The following POLE variants were observed in gnomAD, a reference collection of about 807,000 sequenced individuals.
POLE encodes the protein DNA polymerase epsilon, catalytic subunit.
POLE carries 188 observed loss-of-function variants against 279.2 expected under a neutral mutation model. The ratio of observed to expected loss-of-function variants is 0.67; its 90% CI spans 0.60 to 0.76. The LOEUF (loss-of-function observed/expected upper bound fraction) is 0.76. Among genes scored for constraint, POLE ranks in the 30% least tolerant of loss-of-function variants. POLE has a pLI of 0.00. For missense variants in POLE, 2,703 were observed against 3,016.7 expected, an observed-to-expected ratio of 0.90 and a Z score of 2.44; for synonymous variants, 1,214 against 1,172.5, an observed-to-expected ratio of 1.04 and a Z score of -0.72.
chr12:132,659,497 G>C lies in POLE; in HGVS notation c.3073C>G (p.Pro1025Ala), dbSNP rs2138679038. Reference protein sequence around the residue: ...DVLYSKAANMPDSELFELISE... With the variant: ...DVLYSKAANMADSELFELISE... ...ATGAGCTCGAATAGCTCAGAGTCAG[G>C]CATGTTGGCTGCCTAGAGAAAGACA... The change falls in exon 26 of 49, where the codon CCT becomes GCT. Residue 1025 changes from proline to alanine, a missense_variant. Coordinates refer to ENST00000320574, the MANE Select transcript of POLE (RefSeq NM_006231.4). 6.2e-7 allele frequency: 1 copy of C among 1,613,960 alleles called. No individual in the cohort carries two copies. Among genetic ancestry groups the C allele is most frequent in the Non-Finnish European group, 8.5e-7 (1 of 1,179,886 alleles).
intron 26 of POLE, chr12:132,658,469 A>T: frequency 6.4e-6 from 1 of 156,706 alleles, no homozygotes; most frequent in Admixed American, 6.3e-5. Context: ...TGCGTTTCTG[A>T]GTAACCACGT....
Position 132,677,822 on chromosome 12 carries a change from G to A in POLE, c.579-103C>T, listed in dbSNP as rs558547283. ...AAGAGGTGAGACCAGAGTTCAAACC[G>A]AGGAAACACAAAAGGTAAATTGATG... On this transcript the variant is annotated intron_variant, in intron 6 of 48. Coordinates refer to ENST00000320574, the MANE Select transcript of POLE (RefSeq NM_006231.4). 2.5e-5 allele frequency: 28 copies of A among 1,100,438 alleles called. 1 individual carries two copies. Among genetic ancestry groups the A allele is most frequent in the South Asian group, 7.4e-5 (5 of 67,634 alleles). 68.2% of individuals were successfully genotyped at this position (1,100,438 alleles called of 1,614,324 possible).
chr12:132,630,970 G>C (rs1292945207), intron 45 of POLE, among the ~76,000 whole-genome samples: 2 of 152,176 alleles, frequency 1.3e-5, no homozygotes, highest in Non-Finnish European at 2.9e-5. Flanking sequence ...TCAGAGAATT[G>C]AAATTTATGT....
intron 15 of POLE, 151 bp from the exon 16 acceptor site, chr12:132,672,473 A>C: frequency 5.8e-6 from 6 of 1,036,666 alleles, no homozygotes; most frequent in Non-Finnish European, 8.7e-6. Context: ...TGCCCTAAAG[A>C]AGCCCCCGGG....
At chr12:132,678,131 T>C (rs2136023502) in intron 6 of POLE, among the ~76,000 whole-genome samples, 1 of 152,190 alleles carries the variant, frequency 6.6e-6, no homozygotes, top group African/African-American at 2.4e-5. Context: ...TGAACCCAGA[T>C]TGCGCCACTG....
chr12:132,661,491 G>A lies in POLE; in HGVS notation c.2864+36C>T, dbSNP rs532270212. On this transcript the variant is annotated intron_variant, in intron 24 of 48. Coordinates refer to ENST00000320574, the MANE Select transcript of POLE (RefSeq NM_006231.4). The surrounding 1 kb of genome is among the most constrained non-coding windows in gnomAD (Gnocchi z 4.1). Reference sequence around the variant, plus strand: ...CTAAATTTAATCTATCTCAATCCATGTCCTTTCTAAAGCACAAAAGCTATG... The same window carrying A: ...CTAAATTTAATCTATCTCAATCCATATCCTTTCTAAAGCACAAAAGCTATG... 6.3e-5 allele frequency: 102 copies of A among 1,607,220 alleles called. No individual in the cohort carries two copies. In the African/African-American group the frequency reaches 7.9e-4, roughly 12 times the overall value.
chr12:132,637,967 C>G (rs2138499034), intron 41 of POLE, 47 bp downstream of exon 41: 1 of 1,601,612 alleles, frequency 6.2e-7, no homozygotes, highest in Non-Finnish European at 8.5e-7. Context: ...ATTTTAGCAT[C>G]CCTCTCAAAG....
chr12:132,632,277 TTAG>T (rs1435000585), intron 45 of POLE, 35 bp downstream of exon 45: 1 of 1,518,322 alleles, frequency 6.6e-7, no homozygotes, highest in East Asian at 2.3e-5. Flanking sequence ...CACATGTACG[TTAG>T]TGTCCTCTCC....
At chr12:132,625,439 A>C (rs1231764724) in intron 47 of POLE, 1 of 777,524 alleles carries the variant, frequency 1.3e-6, no homozygotes. Context: ...AGCACCCACA[A>C]GGCCAGCTCT....
At position 132,639,239 on chromosome 12, in the gene POLE, T is replaced by C. The variant is rs752559134; in HGVS notation, c.5438A>G (p.Tyr1813Cys). The C allele has an allele frequency of 8.1e-6, 13 of 1,613,968 alleles. No individual in the cohort carries two copies. Among genetic ancestry groups the C allele is most frequent in the Middle Eastern group, 1.6e-4 (1 of 6,084 alleles). Residue 1813 changes from tyrosine to cysteine, a missense_variant, in exon 40 of 49, where the codon TAT (tyrosine) becomes TGT (cysteine). Around this residue, in one of 5 missense-constraint regions of POLE, gnomAD observed 1,551 missense variants for 1,686.1 expected, o/e 0.92. Transcript: ENST00000320574. The surrounding 1 kb of genome is among the most constrained non-coding windows in gnomAD (Gnocchi z 4.7). ...VKEITQYHNIYADNQVMHFYR... is the reference protein window; with the variant it reads ...VKEITQYHNICADNQVMHFYR... ...GAAGTGCATCACCTGGTTGTCTGCA[T>C]AGATGTTGTGGTACTGGGTGATCTC...
At chr12:132,650,028 G>C (rs2042388077) in intron 29 of POLE, 139 bp from the exon 30 acceptor site, 1 of 671,786 alleles carries the variant, frequency 1.5e-6, no homozygotes, top group Non-Finnish European at 2.5e-6. Flanking sequence ...CTGGGTAACA[G>C]CAAGACCCTG....
intron 41 of POLE, 33 bp downstream of exon 41, chr12:132,637,981 C>T (rs1209918731): frequency 1.2e-6 from 2 of 1,610,776 alleles, no homozygotes; most frequent in East Asian, 4.5e-5. Context: ...CTCAAAGCCA[C>T]AGTGCTGCGT....
intron 16 of POLE, among the ~76,000 whole-genome samples, chr12:132,671,077 AC>A (rs1475326290): frequency 6.6e-6 from 1 of 151,638 alleles, no homozygotes; most frequent in East Asian, 2.0e-4. Context: ...AGCCTGGCCA[AC>A]GTGGTGAAAC....
Position 132,649,092 on chromosome 12 carries a change from T to TA in POLE, c.4006-21dup. ...GCTGATCTGAAAGGCCACACGGACATACAGCACATCACAGGACACACTGGA... is the reference window on the plus strand; with the variant it reads ...GCTGATCTGAAAGGCCACACGGACATAACAGCACATCACAGGACACACTGGA... On this transcript the variant is annotated intron_variant, in intron 31 of 48. Transcript: ENST00000320574. 6.2e-7 allele frequency: 1 copy of TA among 1,607,990 alleles called. No homozygotes were observed. The highest frequency in any genetic ancestry group is 8.5e-7 in the Non-Finnish European group (1 of 1,177,974).
At position 132,672,655 on chromosome 12, in the gene POLE, C is replaced by T. The variant is rs145370369; in HGVS notation, c.1658G>A (p.Arg553His). 2.3e-5 allele frequency: 37 copies of T among 1,613,976 alleles called. No individual in the cohort carries two copies. The highest frequency in any genetic ancestry group is 5.0e-5 in the Admixed American group (3 of 60,008). Reference protein sequence around the residue: ...HVEALESGVFRSDIPCRFRMN... With the variant: ...HVEALESGVFHSDIPCRFRMN... ...CCTAAACCGGCAAGGGATATCGCTG[C>T]GGAAAACCCCAGACTCGAGGGCCTC... Residue 553 changes from arginine (R) to histidine (H), a missense_variant, in exon 15 of 49, where the codon CGC becomes CAC. Transcript: ENST00000320574.
intron 32 of POLE, among the ~76,000 whole-genome samples, chr12:132,647,369 T>G (rs188017126): frequency 2.0e-5 from 3 of 147,890 alleles, no homozygotes; most frequent in African/African-American, 7.5e-5. Context: ...AGAGGAAAAA[T>G]GAAAGGAATA....
At chr12:132,686,139 AG>A (rs2043258095) in intron 1 of POLE, among the ~76,000 whole-genome samples, 2 of 151,832 alleles carry the variant, frequency 1.3e-5, no homozygotes, top group South Asian at 4.1e-4. Flanking sequence ...GGCCTCCCAA[AG>A]TGCTGGGATT....
chr12:132,642,253 A>G lies in POLE; in HGVS notation c.5097T>C (p.Ala1699=), dbSNP rs1270045516. 2 of 1,611,636 alleles carry G rather than the reference A, an allele frequency of 1.2e-6. No individual in the cohort carries two copies. Among genetic ancestry groups the G allele is most frequent in the African/African-American group, 2.7e-5 (2 of 74,836 alleles). ...TARPDLGGKE[A]DDNCLVMEFD... ...ACTCCATGACAAGACAGTTGTCATC[A>G]GCCTCCTTTCCACCCAGGTCAGGGC... Residue 1699 remains alanine (A), a synonymous_variant, in exon 38 of 49, where the codon GCT becomes GCC. Transcript: ENST00000320574.
At chr12:132,670,640 G>A (rs941137038) in intron 16 of POLE, among the ~76,000 whole-genome samples, 2 of 151,376 alleles carry the variant, frequency 1.3e-5, no homozygotes, top group Non-Finnish European at 2.9e-5. Context: ...ACAGGTGCCC[G>A]CCACCACGCC....
Sources: allele counts gnomAD v4.1 joint callset (sites outside exome capture counted in the v4.1 genomes callset), GRCh38; gene constraint gnomAD v4.1.1; regional missense constraint gnomAD v4.1.1; non-coding constraint Gnocchi (gnomAD v3.1); transcripts MANE v1.5; gene names NCBI Gene and HGNC (gene_info 2026-07-23, HGNC 2026-07-21).